SMOC2: variants seen among roughly 807,000 people sequenced by gnomAD.
SMOC2 encodes SPARC related modular calcium binding 2, also known as SPARC-related modular calcium-binding protein 2.
In SMOC2, 39 loss-of-function variants were observed where a neutral mutation model predicts 61.4. The ratio of observed to expected loss-of-function variants is 0.64; its 90% CI spans 0.49 to 0.83. The LOEUF is 0.83. Among genes scored for constraint, SMOC2 ranks in the 40% least tolerant of loss-of-function variants. The probability of loss-of-function intolerance (pLI) is 0.00; values close to 1 mark genes in which losing one functional copy is unlikely to be tolerated. For synonymous variants in SMOC2, 247 were observed against 239.9 expected (o/e 1.03, Z -0.27); for missense variants, 556 against 592.9 (o/e 0.94, Z 0.65).
chr6:168,632,729 A>C (rs2115249189), intron 9 of SMOC2, among the ~76,000 whole-genome samples: 1 of 152,346 alleles, frequency 6.6e-6, no homozygotes, highest in East Asian at 1.9e-4. Flanking sequence ...GTCCTTCTTC[A>C]TCCACAACAT....
intron 7 of SMOC2, among the ~76,000 whole-genome samples, chr6:168,574,603 G>A (rs55999619): frequency 0.034 from 5,206 of 152,216 alleles, 226 homozygotes; most frequent in African/African-American, 0.11. Flanking sequence ...TTAGAGCTCG[G>A]ATTTCTCCTG....
At chr6:168,660,017 G>T (rs1004191952) in intron 11 of SMOC2, among the ~76,000 whole-genome samples, 1 of 41,134 alleles carries the variant, frequency 2.4e-5, no homozygotes, top group Non-Finnish European at 5.8e-5. Flanking sequence ...TGAGGGTGGA[G>T]GTTGTAGGCT....
At chr6:168,634,159 C>T (rs761419013) in intron 9 of SMOC2, among the ~76,000 whole-genome samples, 5 of 152,150 alleles carry the variant, frequency 3.3e-5, no homozygotes, top group East Asian at 1.9e-4. Flanking sequence ...AGCGTGAGAA[C>T]GGACTAATAC....
rs182906739 is a variant in SMOC2, at chr6:168,553,364, T to A, written c.637+4161T>A. On this transcript the variant is annotated intron_variant, in intron 7 of 12. Transcript: ENST00000356284. This position sits in a 1 kb window ranked among gnomAD's most constrained non-coding sequence, Gnocchi z 4.2. ...TATTACTCTTTTCATAGAAGATACA[T>A]AAACTAGTTACAAGATTTTATCAGA... 2.0e-4 allele frequency among the ~76,000 whole-genome samples: 30 copies of A among 152,324 alleles called. No individual in the cohort carries two copies. The highest frequency in any genetic ancestry group is 1.7e-3 in the Admixed American group (26 of 15,304).
At chr6:168,623,189 G>A (rs929514621) in intron 9 of SMOC2, among the ~76,000 whole-genome samples, 1 of 152,146 alleles carries the variant, frequency 6.6e-6, no homozygotes, top group Non-Finnish European at 1.5e-5. Flanking sequence ...AGATAGTAGA[G>A]ATTGAGTCAG....
chr6:168,543,707 G>A (rs887562530), intron 5 of SMOC2, 35 bp downstream of exon 5: 3 of 1,581,648 alleles, frequency 1.9e-6, no homozygotes, highest in Middle Eastern at 1.7e-4. Flanking sequence ...ATGACGATAT[G>A]TAACATCTAA....
At chr6:168,490,431 G>T (rs1382029603) in intron 1 of SMOC2, among the ~76,000 whole-genome samples, 1 of 152,104 alleles carries the variant, frequency 6.6e-6, no homozygotes, top group Admixed American at 6.5e-5. Context: ...GTCACACCAG[G>T]TGGGCTCCAG....
chr6:168,472,721 T>C (rs370563032), intron 1 of SMOC2, among the ~76,000 whole-genome samples: 1 of 152,296 alleles, frequency 6.6e-6, no homozygotes, highest in African/African-American at 2.4e-5. Flanking sequence ...GCAGGCATTT[T>C]TTCCCCTCCA....
intron 4 of SMOC2, among the ~76,000 whole-genome samples, chr6:168,543,309 A>G (rs1460266537): frequency 6.6e-6 from 1 of 152,236 alleles, no homozygotes; most frequent in Non-Finnish European, 1.5e-5. Flanking sequence ...GTACCCCAAC[A>G]TGGGTATGTA....
intron 4 of SMOC2, among the ~76,000 whole-genome samples, chr6:168,528,354 T>TG (rs1783505454): frequency 6.6e-6 from 1 of 151,762 alleles, no homozygotes; most frequent in Admixed American, 6.6e-5. Context: ...GATTAATTTG[T>TG]GGGGGAGACT....
At chr6:168,514,930 G>A (rs1334945319) in intron 2 of SMOC2, among the ~76,000 whole-genome samples, 2 of 152,186 alleles carry the variant, frequency 1.3e-5, no homozygotes, top group South Asian at 2.1e-4. Context: ...ACCCTCTCTG[G>A]CTCGTGGGCT....
At chr6:168,471,160 G>T (rs905247732) in intron 1 of SMOC2, among the ~76,000 whole-genome samples, 1 of 152,044 alleles carries the variant, frequency 6.6e-6, no homozygotes, top group Non-Finnish European at 1.5e-5. Flanking sequence ...TATAACTGTC[G>T]CACAACCGAT....
chr6:168,635,216 G>A (rs573202604), intron 9 of SMOC2, among the ~76,000 whole-genome samples: 29 of 152,338 alleles, frequency 1.9e-4, no homozygotes, highest in African/African-American at 6.3e-4. Flanking sequence ...TACTCTAGGT[G>A]ATAAATAATT....
intron 7 of SMOC2, among the ~76,000 whole-genome samples, chr6:168,590,551 A>G (rs912043372): frequency 6.6e-6 from 1 of 152,052 alleles, no homozygotes; most frequent in Non-Finnish European, 1.5e-5. Flanking sequence ...CTGAGCAAGA[A>G]CTCTCCAAAT....
Position 168,452,381 on chromosome 6 carries a change from G to T in SMOC2, c.84+10927G>T, listed in dbSNP as rs1158505593. Reference sequence around the variant, plus strand: ...CCAGAGTAAGCAGGGGGAGTGTGAGGCGGGCTGCCTGCCTGGGGCCTGGAC... The same window carrying T: ...CCAGAGTAAGCAGGGGGAGTGTGAGTCGGGCTGCCTGCCTGGGGCCTGGAC... On this transcript the variant is annotated intron_variant, in intron 1 of 12. Coordinates refer to ENST00000356284, the MANE Select transcript of SMOC2 (RefSeq NM_001166412.2). This position sits in a 1 kb window ranked among gnomAD's most constrained non-coding sequence, Gnocchi z 5.0. 6.6e-6 allele frequency among the ~76,000 whole-genome samples: 1 copy of T among 152,172 alleles called. No homozygotes were observed. The highest frequency in any genetic ancestry group is 2.4e-5 in the African/African-American group (1 of 41,440).
chr6:168,457,354 A>G (rs2114999369), intron 1 of SMOC2, among the ~76,000 whole-genome samples: 1 of 152,132 alleles, frequency 6.6e-6, no homozygotes, highest in African/African-American at 2.4e-5. Context: ...CACCCATCCA[A>G]CCCCACCTTC....
chr6:168,649,719 C>T (rs1456918492), intron 9 of SMOC2, among the ~76,000 whole-genome samples: 2 of 152,176 alleles, frequency 1.3e-5, no homozygotes, highest in African/African-American at 4.8e-5. Context: ...GGGGCTCCTA[C>T]CTCTTGCATT....
chr6:168,628,820 C>T (rs531533116), intron 9 of SMOC2, among the ~76,000 whole-genome samples: 7 of 152,338 alleles, frequency 4.6e-5, no homozygotes, highest in South Asian at 2.1e-4. Flanking sequence ...CGTGGTGCCC[C>T]GCCGGAGAAT....
At chr6:168,513,899 T>A (rs552571922) in intron 2 of SMOC2, among the ~76,000 whole-genome samples, 3 of 152,222 alleles carry the variant, frequency 2.0e-5, no homozygotes, top group African/African-American at 7.2e-5. Context: ...CACGTGAGAT[T>A]TTCAATAGGA....
Sources: gnomAD v4.1 joint callset for allele counts (sites outside exome capture counted in the v4.1 genomes callset) on GRCh38, gnomAD v4.1.1 for gene constraint, Gnocchi (gnomAD v3.1) non-coding constraint, MANE v1.5 for transcripts, NCBI Gene and HGNC (gene_info 2026-07-23, HGNC 2026-07-21) for gene names.